Variants in GTF2E1 observed in about 807,000 individuals in gnomAD.
GTF2E1 encodes general transcription factor IIE subunit 1, also known as TFIIE alpha subunit.
A neutral mutation model predicts 34.9 loss-of-function variants in GTF2E1; 14 were observed. The observed-to-expected ratio is 0.40, with a 90% CI of 0.27 to 0.63. GTF2E1 has a LOEUF of 0.63. GTF2E1 is among the 20% of genes least tolerant of loss of function. GTF2E1 has a pLI of 0.39. For synonymous variants in GTF2E1, 188 were observed against 192.9 expected (o/e 0.97, Z 0.21); for missense variants, 469 against 557.7 (o/e 0.84, Z 1.60).
chr3:120,746,118 T>C (rs1018158727), intron 1 of GTF2E1, among the ~76,000 whole-genome samples: 9 of 152,198 alleles, frequency 5.9e-5, no homozygotes, highest in Non-Finnish European at 8.8e-5. Context: ...AGAGTTTCCT[T>C]ATAGTATGGT....
chr3:120,769,290 C>T (rs1709333581), intron 2 of GTF2E1, among the ~76,000 whole-genome samples: 1 of 151,574 alleles, frequency 6.6e-6, no homozygotes, highest in Admixed American at 6.6e-5. Flanking sequence ...TGTTCGTGAC[C>T]ATTAGTCAAA....
chr3:120,777,989 G>A (rs1709415776), intron 4 of GTF2E1, among the ~76,000 whole-genome samples: 1 of 152,204 alleles, frequency 6.6e-6, no homozygotes, highest in African/African-American at 2.4e-5. Context: ...CTCCCAAAGT[G>A]CTGGGATTAC....
intron 3 of GTF2E1, among the ~76,000 whole-genome samples, chr3:120,773,535 A>G (rs1230529173): frequency 2.0e-5 from 3 of 152,174 alleles, no homozygotes; most frequent in Non-Finnish European, 4.4e-5. Context: ...GGACAATTCT[A>G]TCCTTTCAGC....
At chr3:120,760,910 G>C (rs1162524297) in intron 2 of GTF2E1, among the ~76,000 whole-genome samples, 2 of 152,050 alleles carry the variant, frequency 1.3e-5, no homozygotes, top group Non-Finnish European at 2.9e-5. Flanking sequence ...TCTCTACCAG[G>C]CTTTGGTATC....
At chr3:120,780,979 T>C in intron 4 of GTF2E1, 64 bp from the exon 5 acceptor site, 1 of 1,014,890 alleles carries the variant, frequency 9.9e-7, no homozygotes, top group Non-Finnish European at 1.5e-6. Context: ...AAATATTGTC[T>C]ATATGCTATA....
At chr3:120,773,897 A>C (rs1024219140) in intron 3 of GTF2E1, among the ~76,000 whole-genome samples, 6 of 152,156 alleles carry the variant, frequency 3.9e-5, no homozygotes, top group Non-Finnish European at 8.8e-5. Context: ...AAAACAAAAG[A>C]CTTTTTAAAA....
chr3:120,762,285 C>T (rs1011083486), intron 2 of GTF2E1, among the ~76,000 whole-genome samples: 12 of 152,154 alleles, frequency 7.9e-5, no homozygotes, highest in Middle Eastern at 3.4e-3. Context: ...CCTTCTGTCT[C>T]GTTGATCTGT....
chr3:120,771,171 C>T (rs995683602), intron 3 of GTF2E1, among the ~76,000 whole-genome samples: 3 of 152,078 alleles, frequency 2.0e-5, no homozygotes, highest in Non-Finnish European at 4.4e-5. Flanking sequence ...GGTTTGACTT[C>T]AAGTACTCAT....
rs548599483 is a variant in GTF2E1 at position 120,747,590 on chromosome 3, A to G, written c.-30-2933A>G. The stretch of plus-strand genomic sequence containing the variant: ...AAAGGACATGAACTCATCCTTTTTT[A>G]TGGCTGCATAGTATTCCATGGTGTA... On this transcript the variant is annotated intron_variant, in intron 1 of 4. Transcript: ENST00000283875. Among the ~76,000 whole-genome samples the G allele has an allele frequency of 3.9e-5, 6 of 152,214 alleles. No individual in the cohort carries two copies. In the East Asian group the frequency reaches 1.2e-3, roughly 29 times the overall value.
chr3:120,760,304 C>G (rs1709248907), intron 2 of GTF2E1, among the ~76,000 whole-genome samples: 1 of 152,138 alleles, frequency 6.6e-6, no homozygotes, highest in African/African-American at 2.4e-5. Flanking sequence ...GCTGAAATTG[C>G]TTATCAGGTG....
At chr3:120,775,298 G>A (rs1709389548) in intron 3 of GTF2E1, among the ~76,000 whole-genome samples, 1 of 152,132 alleles carries the variant, frequency 6.6e-6, no homozygotes, top group South Asian at 2.1e-4. Flanking sequence ...ATGGAAAAGA[G>A]TGAGAAAAAC....
intron 3 of GTF2E1, among the ~76,000 whole-genome samples, chr3:120,774,770 CA>C (rs1426452377): frequency 6.6e-6 from 1 of 152,050 alleles, no homozygotes; most frequent in Non-Finnish European, 1.5e-5. Flanking sequence ...AGACATGGAA[CA>C]GGTAGAACAG....
At position 120,750,641 on chromosome 3, in the gene GTF2E1, A is replaced by G; in HGVS notation, c.89A>G (p.His30Arg). 6.2e-7 allele frequency: 1 copy of G among 1,614,054 alleles called. No individual in the cohort carries two copies. The highest frequency in any genetic ancestry group is 8.5e-7 in the Non-Finnish European group (1 of 1,179,934). The change falls in exon 2 of 5, where the codon CAT becomes CGT. Residue 30 changes from histidine (H) to arginine (R), a missense_variant. Coordinates refer to ENST00000283875, the MANE Select transcript of GTF2E1 (RefSeq NM_005513.3). ...YVIRGFYGIE[H>R]ALALDILIRN... is the part of the protein sequence containing the mutation. ...ATCCGGGGATTTTATGGCATTGAGC[A>G]TGCCTTGGCCTTGGACATCTTGATC...
chr3:120,761,794 T>G (rs1709266014), intron 2 of GTF2E1, among the ~76,000 whole-genome samples: 1 of 114,074 alleles, frequency 8.8e-6, no homozygotes, highest in Admixed American at 8.2e-5. Context: ...ACATTTTTTT[T>G]TTTTTTTTTT....
At chr3:120,762,684 A>G (rs1709274714) in intron 2 of GTF2E1, among the ~76,000 whole-genome samples, 2 of 152,222 alleles carry the variant, frequency 1.3e-5, no homozygotes, top group African/African-American at 2.4e-5. Context: ...GCAAGACAGT[A>G]AAATGAAAGG....
chr3:120,748,014 T>G (rs1303283257), intron 1 of GTF2E1, among the ~76,000 whole-genome samples: 1 of 151,656 alleles, frequency 6.6e-6, no homozygotes, highest in African/African-American at 2.4e-5. Flanking sequence ...TGGTGAGCAT[T>G]TTTTCATGTG....
In GTF2E1 at chr3:120,781,721, T is replaced by C. The variant is rs1709450338; in HGVS notation, c.*251T>C. 5.7e-6 allele frequency: 2 copies of C among 351,586 alleles called. No individual in the cohort carries two copies. The highest frequency in any genetic ancestry group is 4.4e-5 in the South Asian group (1 of 22,870). The allele number at this position is 351,586 out of a possible 1,614,324, so 21.8% of individuals were successfully genotyped here. A position where few individuals can be genotyped will look rare whatever the true frequency, so the allele number is the denominator to read the frequency against. Reference sequence around the variant, plus strand: ...TTTTACTGTATTTTCTTTTCTTTTTTTTTTTTTTTTGGAGATGAAGTCTCA... The same window carrying C: ...TTTTACTGTATTTTCTTTTCTTTTTCTTTTTTTTTTGGAGATGAAGTCTCA... On this transcript the variant is annotated 3_prime_UTR_variant, in exon 5 of 5. Coordinates refer to ENST00000283875, the MANE Select transcript of GTF2E1 (RefSeq NM_005513.3).
At chr3:120,763,721 A>G (rs1359077689) in intron 2 of GTF2E1, among the ~76,000 whole-genome samples, 3 of 152,086 alleles carry the variant, frequency 2.0e-5, no homozygotes, top group African/African-American at 4.8e-5. Context: ...TATGCATGCC[A>G]TTATCTCTTG....
chr3:120,764,254 C>T (rs1709288631), intron 2 of GTF2E1, among the ~76,000 whole-genome samples: 1 of 152,156 alleles, frequency 6.6e-6, no homozygotes, highest in African/African-American at 2.4e-5. Flanking sequence ...TTGACTACCC[C>T]CAACTAGAAT....
Sources: allele counts gnomAD v4.1 joint callset (sites outside exome capture counted in the v4.1 genomes callset), GRCh38; gene constraint gnomAD v4.1.1; transcripts MANE v1.5; gene names NCBI Gene and HGNC (gene_info 2026-07-23, HGNC 2026-07-21).